Variants in CFAP300 observed in about 807,000 individuals in gnomAD.
The protein encoded by CFAP300 is cilia and flagella associated protein 300, also known as cilia- and flagella-associated protein 300.
CFAP300 carries 32 observed loss-of-function variants against 33.0 expected under a neutral mutation model. That is an observed-to-expected ratio of 0.97 (90% confidence interval 0.73 to 1.30). The LOEUF is 1.30. Ranked by LOEUF, CFAP300 falls within the 50% of genes most tolerant of loss-of-function variation. The pLI is 0.00. For synonymous variants in CFAP300, 102 were observed against 106.8 expected, an observed-to-expected ratio of 0.95 and a Z score of 0.28; for missense variants, 356 against 318.1, an observed-to-expected ratio of 1.12 and a Z score of -0.90.
chr11:102,050,321 A>G (rs559487988), intron 2 of CFAP300, among the ~76,000 whole-genome samples: 1 of 152,308 alleles, frequency 6.6e-6, no homozygotes, highest in South Asian at 2.1e-4. Flanking sequence ...TAATTTATGC[A>G]AAAACATTCA....
Position 102,047,514 on chromosome 11 carries a change from G to A in CFAP300, c.44G>A (p.Arg15Lys), listed in dbSNP as rs1379024098. The A allele has an allele frequency of 1.3e-6, 2 of 1,536,034 alleles. No individual in the cohort carries two copies. The highest frequency in any genetic ancestry group is 2.0e-5 in the Admixed American group (1 of 51,008). ...ELGDLGGYYF[R>K]FLPQKTFQSL... ...GGGGACTTGGGTGGCTACTACTTCA[G>A]GTTCTTGCCTCAGAAAACCTTCCAG... Residue 15 changes from arginine to lysine, a missense_variant, in exon 1 of 7, where the codon AGG becomes AAG. Arg to Lys is a conservative substitution (Grantham distance 26). Transcript: ENST00000434758.
At chr11:102,057,523 TA>T (rs1231063537) in intron 2 of CFAP300, among the ~76,000 whole-genome samples, 1 of 152,118 alleles carries the variant, frequency 6.6e-6, no homozygotes, top group Non-Finnish European at 1.5e-5. Context: ...CTCAGTCTAT[TA>T]TTTTTCTTTT....
chr11:102,065,235 A>G (rs1478185899), intron 3 of CFAP300, among the ~76,000 whole-genome samples: 1 of 151,982 alleles, frequency 6.6e-6, no homozygotes, highest in East Asian at 1.9e-4. Context: ...GGAGCCTGCC[A>G]CCACATGCAG....
At chr11:102,071,697 T>C (rs901348054) in intron 4 of CFAP300, among the ~76,000 whole-genome samples, 2 of 152,174 alleles carry the variant, frequency 1.3e-5, no homozygotes, top group Non-Finnish European at 2.9e-5. Flanking sequence ...CTTTCTCTTT[T>C]ATTTATGAAG....
intron 2 of CFAP300, among the ~76,000 whole-genome samples, chr11:102,054,728 C>CAAAAAA (rs542071172): frequency 1.9e-3 from 136 of 70,684 alleles, no homozygotes; most frequent in Middle Eastern, 0.011. Flanking sequence ...GACTTGGTCT[C>CAAAAAA]AAAAAAAAAA....
chr11:102,068,220 G>A (rs1942257393), intron 4 of CFAP300, among the ~76,000 whole-genome samples: 1 of 152,250 alleles, frequency 6.6e-6, no homozygotes, highest in Non-Finnish European at 1.5e-5. Flanking sequence ...TAAGAGAGAA[G>A]GGAGACGTAC....
intron 4 of CFAP300, among the ~76,000 whole-genome samples, chr11:102,073,069 G>A (rs1942337098): frequency 6.6e-6 from 1 of 152,160 alleles, no homozygotes; most frequent in African/African-American, 2.4e-5. Flanking sequence ...TAGGCAGGCA[G>A]TGGTGTTAGC....
chr11:102,055,758 T>C (rs1018319703), intron 2 of CFAP300, among the ~76,000 whole-genome samples: 8 of 148,438 alleles, frequency 5.4e-5, no homozygotes, highest in East Asian at 2.0e-4. Flanking sequence ...CTGCAAGCTC[T>C]GCCTCCCGGG....
intron 3 of CFAP300, among the ~76,000 whole-genome samples, chr11:102,066,127 G>A (rs1330917151): frequency 6.6e-6 from 1 of 151,810 alleles, no homozygotes; most frequent in Non-Finnish European, 1.5e-5. Context: ...TGGCTAATTA[G>A]CCATGCCTGG....
At chr11:102,047,785 A>G in intron 1 of CFAP300, 30 bp from the exon 2 acceptor site, 3 of 1,611,602 alleles carry the variant, frequency 1.9e-6, no homozygotes, top group Non-Finnish European at 2.5e-6. Flanking sequence ...GCCAGCCCCC[A>G]GATGATTTCT....
intron 3 of CFAP300, among the ~76,000 whole-genome samples, chr11:102,064,444 A>G (rs1942194614): frequency 6.6e-6 from 1 of 152,118 alleles, no homozygotes; most frequent in African/African-American, 2.4e-5. Context: ...CCTCTAAACA[A>G]AGGAAGCTTC....
intron 3 of CFAP300, among the ~76,000 whole-genome samples, chr11:102,061,875 T>C (rs1942154043): frequency 1.3e-5 from 2 of 152,216 alleles, no homozygotes; most frequent in Non-Finnish European, 2.9e-5. Context: ...CTGTATGTGA[T>C]CATAGTGATG....
chr11:102,058,832 C>A, intron 2 of CFAP300, 48 bp from the exon 3 acceptor site: 1 of 1,070,378 alleles, frequency 9.3e-7, no homozygotes, highest in Non-Finnish European at 1.4e-6. Flanking sequence ...TTTTTACTAT[C>A]ATTTATAATA....
chr11:102,057,034 A>T (rs2135020092), intron 2 of CFAP300, among the ~76,000 whole-genome samples: 1 of 152,196 alleles, frequency 6.6e-6, no homozygotes, highest in South Asian at 2.1e-4. Flanking sequence ...AAGAAAAATA[A>T]TTATAAAATA....
At position 102,066,487 on chromosome 11, in the gene CFAP300, A is replaced by G; in HGVS notation, c.271A>G (p.Thr91Ala). ...DSSGQWIILG[T>A]EVKKIEAINV... ...CTTTATAAAATATCTTTTTTCAGGA[A>G]CTGAAGTGAAAAAAATTGAAGCTAT... The change falls in exon 4 of 7, where the codon ACT (threonine) becomes GCT (alanine). Residue 91 changes from threonine to alanine, a missense_variant and splice_region_variant. Transcript: ENST00000434758. The G allele has an allele frequency of 6.3e-7, 1 of 1,582,246 alleles. No individual in the cohort carries two copies. The highest frequency in any genetic ancestry group is 8.6e-7 in the Non-Finnish European group (1 of 1,167,044).
At chr11:102,058,750 C>A in intron 2 of CFAP300, 130 bp from the exon 3 acceptor site, 2 of 606,024 alleles carry the variant, frequency 3.3e-6, no homozygotes, top group East Asian at 3.0e-5. Context: ...CTCTTTATTA[C>A]TCAGACATTT....
chr11:102,053,422 G>T (rs1489167818), intron 2 of CFAP300, among the ~76,000 whole-genome samples: 2 of 152,008 alleles, frequency 1.3e-5, no homozygotes, highest in African/African-American at 4.8e-5. Flanking sequence ...ATGGTGGCGG[G>T]TGCCTATAAT....
intron 2 of CFAP300, among the ~76,000 whole-genome samples, chr11:102,050,902 A>G (rs1042518971): frequency 3.3e-5 from 5 of 152,220 alleles, no homozygotes; most frequent in African/African-American, 1.2e-4. Context: ...AAATATTGAG[A>G]TCACCTTGGC....
chr11:102,047,440 C>T lies in CFAP300; in HGVS notation c.-31C>T, dbSNP rs1037430622. ...GACGGCCGCCGCGTCTCCATGGAAA[C>T]GGCCCAGGCATCCACCCAGCCGAGA... On this transcript the variant is annotated 5_prime_UTR_variant, in exon 1 of 7. In the 5' UTR this introduces an upstream ATG that the reference lacks. Transcript: ENST00000434758. The T allele has an allele frequency of 7.3e-6, 11 of 1,513,090 alleles. No individual in the cohort carries two copies. The highest frequency in any genetic ancestry group is 2.0e-5 in the Admixed American group (1 of 50,908). 93.7% of individuals were successfully genotyped at this position (1,513,090 alleles called of 1,614,324 possible). A position where few individuals can be genotyped will look rare whatever the true frequency, so the allele number is the denominator to read the frequency against.
Sources: allele counts gnomAD v4.1 joint callset (sites outside exome capture counted in the v4.1 genomes callset), GRCh38; gene constraint gnomAD v4.1.1; transcripts MANE v1.5; gene names NCBI Gene and HGNC (gene_info 2026-07-23, HGNC 2026-07-21).